The following IL5RA variants were observed in gnomAD, a reference collection of about 807,000 sequenced individuals.
The protein encoded by IL5RA is interleukin 5 receptor subunit alpha.
A neutral mutation model predicts 50.0 loss-of-function variants in IL5RA; 49 were observed. That is an observed-to-expected ratio of 0.98 (90% CI 0.78 to 1.24). The LOEUF (loss-of-function observed/expected upper bound fraction) is 1.24, where lower values mean the gene tolerates loss of function less well. IL5RA is among the 50% of genes most tolerant of loss of function. The pLI, the probability that IL5RA is intolerant of heterozygous loss-of-function variation, is 0.00. For missense variants in IL5RA, 600 were observed against 500.4 expected (o/e 1.20, Z -1.90); for synonymous variants, 202 against 174.0 (o/e 1.16, Z -1.26).
At position 3,067,652 on chromosome 3, in the gene IL5RA, CTA is replaced by C. The variant is rs1194552833; in HGVS notation, c.*2571_*2572del. On this transcript the variant is annotated 3_prime_UTR_variant, in exon 12 of 12. Coordinates refer to ENST00000446632, the MANE Select transcript of IL5RA (RefSeq NM_175726.4). ...ATGGTTACGGGTTCCCAAAGAATGACTATGAGTTGCACAGGGCAAGAAGGGAG... is the reference window on the plus strand; with the variant it reads ...ATGGTTACGGGTTCCCAAAGAATGACTGAGTTGCACAGGGCAAGAAGGGAG... The C allele has an allele frequency of 1.3e-5, 2 of 152,280 alleles. No individual in the cohort carries two copies. The highest frequency in any genetic ancestry group is 2.4e-5 in the African/African-American group (1 of 41,448). The allele number at this position is 152,280 out of a possible 1,614,324, so 9.4% of individuals were successfully genotyped here. A position where few individuals can be genotyped will look rare whatever the true frequency, so the allele number is the denominator to read the frequency against.
At chr3:3,097,185 C>A (rs1703404676) in intron 7 of IL5RA, among the ~76,000 whole-genome samples, 1 of 152,174 alleles carries the variant, frequency 6.6e-6, no homozygotes, top group Admixed American at 6.5e-5. Context: ...GAGAACTGAG[C>A]AGACAAAACC....
intron 9 of IL5RA, among the ~76,000 whole-genome samples, chr3:3,080,435 C>T (rs894246085): frequency 3.3e-5 from 5 of 152,170 alleles, no homozygotes; most frequent in African/African-American, 1.2e-4. Flanking sequence ...ACTGAGGGCA[C>T]ACTGAATACA....
chr3:3,077,035 A>G (rs1381621284), intron 9 of IL5RA, among the ~76,000 whole-genome samples: 1 of 152,250 alleles, frequency 6.6e-6, no homozygotes, highest in Non-Finnish European at 1.5e-5. Flanking sequence ...TGGCATCACA[A>G]TCAAAATACA....
intron 10 of IL5RA, among the ~76,000 whole-genome samples, chr3:3,075,133 T>A (rs371359378): frequency 4.6e-5 from 7 of 151,906 alleles, no homozygotes; most frequent in African/African-American, 1.7e-4. Context: ...AAACGAACTG[T>A]ATATTTCAAG....
At chr3:3,070,492 A>G (rs1702261597) in intron 11 of IL5RA, among the ~76,000 whole-genome samples, 181 bp from the exon 12 acceptor site, 1 of 151,800 alleles carries the variant, frequency 6.6e-6, no homozygotes, top group Non-Finnish European at 1.5e-5. Context: ...TATCTCCCAA[A>G]CACAGCCCAC....
intron 9 of IL5RA, among the ~76,000 whole-genome samples, chr3:3,085,709 C>A (rs941086850): frequency 6.6e-6 from 1 of 152,098 alleles, no homozygotes. Context: ...CTGGGGTGGC[C>A]TTCCTTCCAG....
chr3:3,077,667 G>A (rs1213161568), intron 9 of IL5RA, among the ~76,000 whole-genome samples: 1 of 152,138 alleles, frequency 6.6e-6, no homozygotes, highest in Non-Finnish European at 1.5e-5. Context: ...TACTTGGGAG[G>A]CCGAGGCACA....
chr3:3,079,286 T>A (rs936864424), intron 9 of IL5RA, among the ~76,000 whole-genome samples: 6 of 152,186 alleles, frequency 3.9e-5, no homozygotes, highest in African/African-American at 1.4e-4. Context: ...TGCTCGGATG[T>A]TTCTCAAGGC....
intron 9 of IL5RA, among the ~76,000 whole-genome samples, chr3:3,091,168 A>C (rs1013654692): frequency 6.6e-6 from 1 of 152,244 alleles, no homozygotes; most frequent in Non-Finnish European, 1.5e-5. Flanking sequence ...GGACAGATCC[A>C]GATTTTGTGG....
At chr3:3,087,640 G>GGT (rs1454530892) in intron 9 of IL5RA, among the ~76,000 whole-genome samples, 1 of 151,318 alleles carries the variant, frequency 6.6e-6, no homozygotes, top group African/African-American at 2.4e-5. Context: ...AAATAATGGG[G>GGT]GGGAAATTAA....
intron 11 of IL5RA, among the ~76,000 whole-genome samples, chr3:3,070,575 CTTTTTT>C (rs71058670): frequency 5.9e-5 from 5 of 84,918 alleles, no homozygotes; most frequent in East Asian, 3.4e-4. Context: ...GGATACACAT[CTTTTTT>C]TTTTTTTTTT....
chr3:3,098,660 C>T (rs938812881), intron 5 of IL5RA, among the ~76,000 whole-genome samples: 5 of 152,150 alleles, frequency 3.3e-5, no homozygotes, highest in African/African-American at 1.2e-4. Flanking sequence ...CACCCACAGC[C>T]TCCTAAAGTG....
intron 10 of IL5RA, among the ~76,000 whole-genome samples, chr3:3,075,821 C>T (rs950594209): frequency 6.6e-6 from 1 of 151,874 alleles, no homozygotes; most frequent in Non-Finnish European, 1.5e-5. Context: ...AGGGTGGTCT[C>T]GATCTCCTGA....
Position 3,104,976 on chromosome 3 carries a change from G to A in IL5RA, c.9C>T (p.Ile3=), listed in dbSNP as rs749731509. 10 of 1,609,844 alleles carry A rather than the reference G, an allele frequency of 6.2e-6. No homozygotes were observed. In the African/African-American group the frequency reaches 6.7e-5, roughly 11 times the overall value. Residue 3 remains isoleucine (I), a synonymous_variant, in exon 3 of 12, where the codon ATC becomes ATT. Coordinates refer to ENST00000446632, the MANE Select transcript of IL5RA (RefSeq NM_175726.4). ...AAAGGATGAGTAATACATGCGCCAC[G>A]ATGATCATATCCTACAGAAAACAAG... MI[I]VAHVLLILLG...
intron 2 of IL5RA, chr3:3,105,327 C>A: frequency 6.1e-6 from 1 of 165,118 alleles, no homozygotes; most frequent in Non-Finnish European, 1.3e-5. Flanking sequence ...AGGGAAGAGA[C>A]ATGCCTGGTG....
At chr3:3,098,776 A>G (rs1703487412) in intron 5 of IL5RA, among the ~76,000 whole-genome samples, 1 of 152,210 alleles carries the variant, frequency 6.6e-6, no homozygotes, top group African/African-American at 2.4e-5. Flanking sequence ...TTAGAATTAT[A>G]AAGTCCCCAT....
At chr3:3,071,926 C>G (rs893754007) in intron 11 of IL5RA, among the ~76,000 whole-genome samples, 9 of 152,152 alleles carry the variant, frequency 5.9e-5, no homozygotes, top group African/African-American at 1.9e-4. Flanking sequence ...GAGGTCTGAA[C>G]AAGCAAAAAC....
chr3:3,091,994 G>T (rs962988616), intron 9 of IL5RA: 1 of 1,222,636 alleles, frequency 8.2e-7, no homozygotes, highest in African/African-American at 1.6e-5. Context: ...AAAAAAACAG[G>T]CACCAGGTCT....
chr3:3,075,502 C>T (rs368446007), intron 10 of IL5RA, among the ~76,000 whole-genome samples: 29 of 152,040 alleles, frequency 1.9e-4, no homozygotes, highest in African/African-American at 5.5e-4. Context: ...CATCCCCAGC[C>T]GAGTTTACTT....
Sources: allele counts gnomAD v4.1 joint callset (sites outside exome capture counted in the v4.1 genomes callset), GRCh38; gene constraint gnomAD v4.1.1; transcripts MANE v1.5; gene names NCBI Gene and HGNC (gene_info 2026-07-23, HGNC 2026-07-21).